Variants in VSTM4 observed in about 807,000 individuals in gnomAD.
VSTM4 encodes V-set and transmembrane domain containing 4, also known as V-set and transmembrane domain-containing protein 4.
Under a neutral mutation model 36.4 loss-of-function variants are expected in VSTM4, and 20 were observed. The ratio of observed to expected loss-of-function variants is 0.55; its 90% confidence interval spans 0.39 to 0.80. The LOEUF is 0.80. Ranked by LOEUF, VSTM4 falls within the 30% of genes least tolerant of loss-of-function variation. The pLI, the probability that VSTM4 is intolerant of heterozygous loss-of-function variation, is 0.00. For synonymous variants in VSTM4, 182 were observed against 173.9 expected, an observed-to-expected ratio of 1.05 and a Z score of -0.37; for missense variants, 392 against 404.5, an observed-to-expected ratio of 0.97 and a Z score of 0.26.
In VSTM4 at chr10:49,019,627, G is replaced by A; in HGVS notation, c.*23C>T. The A allele has an allele frequency of 6.3e-7, 1 of 1,587,184 alleles. No individual in the cohort carries two copies. Among genetic ancestry groups the A allele is most frequent in the Non-Finnish European group, 8.6e-7 (1 of 1,165,656 alleles). ...ATCACTGGGTGGCAGGTATTAAATA[G>A]AACCTTGGAGGTGGACGCTGTACTA... On this transcript the variant is annotated 3_prime_UTR_variant, in exon 8 of 8. Transcript: ENST00000332853.
chr10:49,038,652 C>T (rs1843469878), intron 7 of VSTM4, among the ~76,000 whole-genome samples: 4 of 152,260 alleles, frequency 2.6e-5, no homozygotes, highest in Admixed American at 6.5e-5. Context: ...TGGGCTAAGG[C>T]GGGATATCCC....
chr10:49,104,429 C>G (rs1844727043), intron 2 of VSTM4, among the ~76,000 whole-genome samples: 1 of 152,228 alleles, frequency 6.6e-6, no homozygotes, highest in Admixed American at 6.5e-5. Context: ...TCTCCTGGCC[C>G]TGCCCAGGAA....
At chr10:49,052,095 T>C (rs1303334072) in intron 5 of VSTM4, among the ~76,000 whole-genome samples, 1 of 152,222 alleles carries the variant, frequency 6.6e-6, no homozygotes, top group African/African-American at 2.4e-5. Context: ...AATGGTTTTT[T>C]ATTCTTAGAC....
At chr10:49,053,595 G>A (rs1289696006) in intron 5 of VSTM4, among the ~76,000 whole-genome samples, 2 of 152,212 alleles carry the variant, frequency 1.3e-5, no homozygotes, top group Non-Finnish European at 2.9e-5. Context: ...GTGTGAAACA[G>A]CTAAATAGCA....
At chr10:49,096,889 G>A (rs895152551) in intron 2 of VSTM4, among the ~76,000 whole-genome samples, 7 of 151,976 alleles carry the variant, frequency 4.6e-5, no homozygotes, top group African/African-American at 1.2e-4. Flanking sequence ...TCCTGACCTC[G>A]TGATCCACCC....
intron 5 of VSTM4, among the ~76,000 whole-genome samples, chr10:49,061,312 T>C (rs1293280376): frequency 6.6e-6 from 1 of 152,138 alleles, no homozygotes; most frequent in East Asian, 1.9e-4. Context: ...TATGGTCTAT[T>C]TTGATGAATG....
At chr10:49,104,890 GAGAGAGAGACAC>G (rs1027396248) in intron 2 of VSTM4, among the ~76,000 whole-genome samples, 4 of 151,612 alleles carry the variant, frequency 2.6e-5, no homozygotes, top group African/African-American at 9.7e-5. Context: ...GATACAAAGA[GAGAGAGAGACAC>G]AGAGAGAGAG....
chr10:49,093,181 G>A (rs185040320), intron 2 of VSTM4, among the ~76,000 whole-genome samples: 6 of 152,212 alleles, frequency 3.9e-5, no homozygotes, highest in East Asian at 3.9e-4. Flanking sequence ...GCCTATAGTC[G>A]GCAAAATAAG....
At chr10:49,098,210 C>G (rs1344197076) in intron 2 of VSTM4, among the ~76,000 whole-genome samples, 3 of 152,208 alleles carry the variant, frequency 2.0e-5, no homozygotes, top group Non-Finnish European at 2.9e-5. Flanking sequence ...GGGCACACAG[C>G]CCTCAGGCCT....
chr10:49,028,433 C>T (rs542668987), intron 7 of VSTM4, among the ~76,000 whole-genome samples: 1 of 152,192 alleles, frequency 6.6e-6, no homozygotes, highest in East Asian at 1.9e-4. Flanking sequence ...TAATGCAAGC[C>T]CCTTTTCCCC....
At chr10:49,085,799 T>A (rs1844359432) in intron 3 of VSTM4, among the ~76,000 whole-genome samples, 156 bp downstream of exon 3, 1 of 151,946 alleles carries the variant, frequency 6.6e-6, no homozygotes, top group Non-Finnish European at 1.5e-5. Flanking sequence ...AAATGACGAG[T>A]TAATGGGTGC....
intron 2 of VSTM4, among the ~76,000 whole-genome samples, chr10:49,101,976 T>C (rs1466133806): frequency 6.9e-6 from 1 of 144,390 alleles, no homozygotes; most frequent in Non-Finnish European, 1.5e-5. Context: ...TGTCTGCGTG[T>C]GTGTGTGTGT....
intron 5 of VSTM4, among the ~76,000 whole-genome samples, chr10:49,062,227 G>A (rs925259124): frequency 3.9e-5 from 6 of 152,056 alleles, no homozygotes; most frequent in Non-Finnish European, 8.8e-5. Context: ...TAAAACTCAC[G>A]ACTATTCATG....
Position 49,019,588 on chromosome 10 carries a change from C to T in VSTM4, c.*62G>A. 1 of 1,545,604 alleles carries T rather than the reference C, an allele frequency of 6.5e-7. No homozygotes were observed. Among genetic ancestry groups the T allele is most frequent in the Non-Finnish European group, 8.7e-7 (1 of 1,143,512 alleles). On this transcript the variant is annotated 3_prime_UTR_variant, in exon 8 of 8. Transcript: ENST00000332853. Reference sequence around the variant, plus strand: ...AAATACAGACATAAGGGCTTTGTCTCCAAGGCTTCATAAATCACTGGGTGG... The same window carrying T: ...AAATACAGACATAAGGGCTTTGTCTTCAAGGCTTCATAAATCACTGGGTGG...
chr10:49,111,770 C>T (rs901703071), intron 1 of VSTM4, among the ~76,000 whole-genome samples: 3 of 152,108 alleles, frequency 2.0e-5, no homozygotes, highest in African/African-American at 7.2e-5. Context: ...AGTGGACAGT[C>T]CAGTGGGTAA....
intron 7 of VSTM4, among the ~76,000 whole-genome samples, chr10:49,046,089 C>T (rs1325644374): frequency 1.3e-5 from 2 of 152,194 alleles, no homozygotes; most frequent in African/African-American, 4.8e-5. Flanking sequence ...TCCCCTTCCA[C>T]CATGACTGTA....
At chr10:49,046,604 T>C (rs1405858775) in intron 7 of VSTM4, among the ~76,000 whole-genome samples, 1 of 152,192 alleles carries the variant, frequency 6.6e-6, no homozygotes, top group Non-Finnish European at 1.5e-5. Flanking sequence ...TTTCTGTAAA[T>C]CTAAAATTGT....
chr10:49,073,119 A>C (rs1017228487), intron 4 of VSTM4, among the ~76,000 whole-genome samples: 2 of 152,180 alleles, frequency 1.3e-5, no homozygotes, highest in African/African-American at 4.8e-5. Flanking sequence ...TTTGTTATTA[A>C]ATTTCATAGA....
chr10:49,085,071 T>G (rs1844346285), intron 3 of VSTM4, among the ~76,000 whole-genome samples: 1 of 152,240 alleles, frequency 6.6e-6, no homozygotes, highest in Admixed American at 6.5e-5. Context: ...GGCCCAAACC[T>G]GAATGTGCAT....
Sources: allele counts gnomAD v4.1 joint callset (sites outside exome capture counted in the v4.1 genomes callset), GRCh38; gene constraint gnomAD v4.1.1; transcripts MANE v1.5; gene names NCBI Gene and HGNC (gene_info 2026-07-23, HGNC 2026-07-21).